The following ALCAM variants were observed in gnomAD, a reference collection of about 807,000 sequenced individuals.
ALCAM encodes the protein CD166 antigen.
Under a neutral mutation model 70.9 loss-of-function variants are expected in ALCAM, and 30 were observed. That is an observed-to-expected ratio of 0.42 (90% CI 0.32 to 0.57). The LOEUF is 0.57. Among genes scored for constraint, ALCAM ranks in the 20% least tolerant of loss-of-function variants. The probability of loss-of-function intolerance (pLI) is 0.11; values close to 1 mark genes in which losing one functional copy is unlikely to be tolerated. For synonymous variants in ALCAM, 249 were observed against 242.5 expected (o/e 1.03, Z -0.25); for missense variants, 591 against 695.1 (o/e 0.85, Z 1.68).
At chr3:105,492,447 A>C (rs1156478265) in intron 1 of ALCAM, among the ~76,000 whole-genome samples, 1 of 152,230 alleles carries the variant, frequency 6.6e-6, no homozygotes, top group East Asian at 1.9e-4. Flanking sequence ...GTTAATGAAG[A>C]AACCTCTTCC....
chr3:105,491,233 C>T (rs1338833351), intron 1 of ALCAM, among the ~76,000 whole-genome samples: 1 of 152,192 alleles, frequency 6.6e-6, no homozygotes, highest in East Asian at 1.9e-4. Flanking sequence ...AGTCCAAAGG[C>T]TGCACAAAAC....
chr3:105,478,452 C>T (rs1280665273), intron 1 of ALCAM, among the ~76,000 whole-genome samples: 1 of 152,114 alleles, frequency 6.6e-6, no homozygotes, highest in South Asian at 2.1e-4. Context: ...CAGCCCCTCT[C>T]AAGTCAGAAA....
chr3:105,480,326 TG>T (rs992389193), intron 1 of ALCAM, among the ~76,000 whole-genome samples: 15 of 151,916 alleles, frequency 9.9e-5, no homozygotes, highest in Non-Finnish European at 1.9e-4. Flanking sequence ...CTCCAGAGCC[TG>T]GGCAGCAGAG....
intron 3 of ALCAM, among the ~76,000 whole-genome samples, chr3:105,527,136 C>A (rs1195837779): frequency 6.6e-6 from 1 of 152,078 alleles, no homozygotes; most frequent in Non-Finnish European, 1.5e-5. Context: ...CAGCTTTTTT[C>A]TTTTAGTTGA....
chr3:105,495,485 G>T (rs908352313), intron 1 of ALCAM, among the ~76,000 whole-genome samples: 1 of 151,884 alleles, frequency 6.6e-6, no homozygotes, highest in African/African-American at 2.4e-5. Context: ...TAGACAGAAA[G>T]AGAATCTGTG....
At chr3:105,404,698 GA>G (rs890995223) in intron 1 of ALCAM, among the ~76,000 whole-genome samples, 1 of 150,814 alleles carries the variant, frequency 6.6e-6, no homozygotes, top group African/African-American at 2.4e-5. Flanking sequence ...AGGTATTTAG[GA>G]AAAAAAATAG....
At chr3:105,501,406 T>C (rs1227408321) in intron 1 of ALCAM, among the ~76,000 whole-genome samples, 1 of 152,182 alleles carries the variant, frequency 6.6e-6, no homozygotes, top group Non-Finnish European at 1.5e-5. Context: ...TGAATAATAT[T>C]TGGTTTAACA....
chr3:105,414,990 C>T (rs1247872781), intron 1 of ALCAM, among the ~76,000 whole-genome samples: 2 of 152,092 alleles, frequency 1.3e-5, no homozygotes, highest in African/African-American at 2.4e-5. Flanking sequence ...CCTAGAGCCT[C>T]AGCTGTGAAA....
At chr3:105,387,037 T>G (rs1935676932) in intron 1 of ALCAM, among the ~76,000 whole-genome samples, 1 of 151,564 alleles carries the variant, frequency 6.6e-6, no homozygotes, top group African/African-American at 2.4e-5. Context: ...AGTTTGCCTC[T>G]TCTTTTTACC....
intron 1 of ALCAM, among the ~76,000 whole-genome samples, chr3:105,384,083 A>G (rs1445186187): frequency 1.3e-5 from 2 of 151,692 alleles, no homozygotes; most frequent in African/African-American, 4.8e-5. Context: ...AGAGTAAAAT[A>G]TTAGAGAAAA....
rs540936305 is a variant in ALCAM, at chr3:105,423,506, A to C, written c.73+56025A>C. 3.3e-5 allele frequency among the ~76,000 whole-genome samples: 5 copies of C among 150,888 alleles called. No homozygotes were observed. The South Asian group carries it at 1.0e-3, about 31-fold the overall frequency. On this transcript the variant is annotated intron_variant, in intron 1 of 15. Coordinates refer to ENST00000306107, the MANE Select transcript of ALCAM (RefSeq NM_001627.4). ...ACATCTGTTCTTTCAGGGAAAAAAA[A>C]AAAAAAGAAAACATCATATAATCAG...
At chr3:105,462,419 T>A (rs1054961177) in intron 1 of ALCAM, among the ~76,000 whole-genome samples, 2 of 151,552 alleles carry the variant, frequency 1.3e-5, no homozygotes, top group Non-Finnish European at 3.0e-5. Flanking sequence ...TTTCATTGTA[T>A]AAAGAAATAA....
intron 1 of ALCAM, among the ~76,000 whole-genome samples, chr3:105,391,441 G>A (rs2107353637): frequency 6.6e-6 from 1 of 152,142 alleles, no homozygotes; most frequent in African/African-American, 2.4e-5. Context: ...TTTGTACATT[G>A]ATTTTGTATC....
intron 1 of ALCAM, among the ~76,000 whole-genome samples, chr3:105,489,645 A>G (rs1216605244): frequency 2.0e-5 from 3 of 152,212 alleles, no homozygotes; most frequent in Admixed American, 1.3e-4. Flanking sequence ...ATAATTATAT[A>G]ATTAAATGGG....
rs59389132 is a variant in ALCAM at position 105,454,653 on chromosome 3, A to ATTTTT, written c.74-65384_74-65380dup. On this transcript the variant is annotated intron_variant, in intron 1 of 15. Transcript: ENST00000306107. ...ATTGGCACATAGTAGATGCTCATTA[A>ATTTTT]TTTTTTTTTTTTTTTTTTTTTTTTT... is the stretch of plus-strand genomic sequence containing the variant. Among the ~76,000 whole-genome samples, 244 of 61,804 alleles carry ATTTTT rather than the reference A, an allele frequency of 3.9e-3. 12 individuals are homozygous for ATTTTT. The highest frequency in any genetic ancestry group is 5.3e-3 in the African/African-American group (78 of 14,614). The allele number at this position is 61,804 out of a possible 152,430, so 40.5% of individuals were successfully genotyped here. A position where few individuals can be genotyped will look rare whatever the true frequency, so the allele number is the denominator to read the frequency against.
chr3:105,563,654 A>T (rs1940677012), intron 14 of ALCAM, among the ~76,000 whole-genome samples: 1 of 135,152 alleles, frequency 7.4e-6, no homozygotes, highest in Non-Finnish European at 1.5e-5. Context: ...CCTGTATGAA[A>T]TTCCAAGCAT....
rs1328676038 is a variant in ALCAM at position 105,531,508 on chromosome 3, A to C, written c.395-494A>C. 5.8e-5 allele frequency: 6 copies of C among 103,344 alleles called. No homozygotes were observed. In the Admixed American group the frequency reaches 7.5e-4, roughly 13 times the overall value. The allele number at this position is 103,344 out of a possible 1,614,324, so 6.4% of individuals were successfully genotyped here. ...AGAATCCCCTAGAAACTTGTTTAAA[A>C]TGTAGAGTTATGGGATTTTTTTTTT... On this transcript the variant is annotated intron_variant, in intron 3 of 15. Transcript: ENST00000306107.
intron 1 of ALCAM, among the ~76,000 whole-genome samples, chr3:105,493,367 C>T (rs1938642612): frequency 6.6e-6 from 1 of 151,986 alleles, no homozygotes. Flanking sequence ...CTCTGGTAAG[C>T]AGAATAATGA....
intron 1 of ALCAM, among the ~76,000 whole-genome samples, chr3:105,386,412 C>CTTTGT (rs987033753): frequency 1.3e-5 from 2 of 151,476 alleles, no homozygotes; most frequent in Non-Finnish European, 3.0e-5. Flanking sequence ...TTACAGATTT[C>CTTTGT]TTTGTTTTGT....
Sources: gnomAD v4.1 joint callset for allele counts (sites outside exome capture counted in the v4.1 genomes callset) on GRCh38, gnomAD v4.1.1 for gene constraint, MANE v1.5 for transcripts, NCBI Gene and HGNC (gene_info 2026-07-23, HGNC 2026-07-21) for gene names.